The following AP1B1 variants were observed in gnomAD, a reference collection of about 807,000 sequenced individuals.
AP1B1 encodes adaptor related protein complex 1 subunit beta 1.
AP1B1 carries 36 observed loss-of-function variants against 104.3 expected under a neutral mutation model. The observed-to-expected ratio is 0.35, with a 90% confidence interval of 0.26 to 0.46. AP1B1 has a LOEUF of 0.46. Among genes scored for constraint, AP1B1 ranks in the 20% least tolerant of loss-of-function variants. The probability of loss-of-function intolerance (pLI) is 1.00; values close to 1 mark genes in which losing one functional copy is unlikely to be tolerated. For missense variants in AP1B1, 901 were observed against 1,247.9 expected, an observed-to-expected ratio of 0.72 and a Z score of 4.19; for synonymous variants, 504 against 517.5, an observed-to-expected ratio of 0.97 and a Z score of 0.35.
chr22:29,332,807 AG>A (rs1217283758), intron 17 of AP1B1, among the ~76,000 whole-genome samples: 1 of 152,234 alleles, frequency 6.6e-6, no homozygotes, highest in Non-Finnish European at 1.5e-5. Context: ...GGGGAACCCC[AG>A]GTCCGCTTGG....
At chr22:29,369,226 C>T (rs1318600778) in intron 1 of AP1B1, among the ~76,000 whole-genome samples, 1 of 152,128 alleles carries the variant, frequency 6.6e-6, no homozygotes, top group Non-Finnish European at 1.5e-5. Context: ...CAACACAGCA[C>T]CTCCTCTCCA....
At chr22:29,363,856 A>G (rs1359088560) in intron 2 of AP1B1, among the ~76,000 whole-genome samples, 3 of 151,686 alleles carry the variant, frequency 2.0e-5, no homozygotes, top group East Asian at 1.9e-4. Context: ...TGACACCACT[A>G]CACTCCAGCC....
chr22:29,372,976 A>G (rs2062265821), intron 1 of AP1B1, among the ~76,000 whole-genome samples: 1 of 152,206 alleles, frequency 6.6e-6, no homozygotes, highest in Non-Finnish European at 1.5e-5. Context: ...CCATAGTTCA[A>G]TTTCCCTCTT....
chr22:29,369,827 A>G (rs1341882795), intron 1 of AP1B1, among the ~76,000 whole-genome samples: 2 of 149,000 alleles, frequency 1.3e-5, no homozygotes, highest in Non-Finnish European at 3.0e-5. Context: ...ATTTACCGAC[A>G]TTAAAAACGA....
chr22:29,368,933 C>A (rs530243747), intron 1 of AP1B1, among the ~76,000 whole-genome samples: 60 of 151,326 alleles, frequency 4.0e-4, no homozygotes, highest in African/African-American at 1.3e-3. Context: ...CTCCCCGCCC[C>A]ACCCCCGCAA....
At chr22:29,339,800 G>A (rs1170228551) in intron 14 of AP1B1, 26 bp from the exon 15 acceptor site, 1 of 1,603,898 alleles carries the variant, frequency 6.2e-7, no homozygotes, top group Non-Finnish European at 8.5e-7. Context: ...GGCAGGTGAA[G>A]AGAACAGGCA....
chr22:29,384,271 G>A (rs1254974956), intron 1 of AP1B1, among the ~76,000 whole-genome samples: 1 of 151,824 alleles, frequency 6.6e-6, no homozygotes, highest in Non-Finnish European at 1.5e-5. Context: ...TCCCTGCTCC[G>A]TACCAGATTC....
At chr22:29,382,538 A>G (rs2062453855) in intron 1 of AP1B1, among the ~76,000 whole-genome samples, 1 of 152,146 alleles carries the variant, frequency 6.6e-6, no homozygotes, top group Non-Finnish European at 1.5e-5. Context: ...CGTAAGCAAG[A>G]TAAGTGAGTA....
rs576997057 is a variant in AP1B1 at position 29,329,932 on chromosome 22, C to G, written c.2767-212G>C. On this transcript the variant is annotated intron_variant, in intron 21 of 22. Transcript: ENST00000357586. ...GGGGCTGTCCGGGGCCCTGGAACAG[C>G]GGTGCAGGCCTCCAGGACAACTGTG... 6.3e-6 allele frequency: 9 copies of G among 1,426,584 alleles called. No individual in the cohort carries two copies. The South Asian group carries it at 1.4e-4, about 22-fold the overall frequency. The allele number at this position is 1,426,584 out of a possible 1,614,324, so 88.4% of individuals were successfully genotyped here.
chr22:29,329,027 C>A (rs1030897868), intron 22 of AP1B1, 132 bp from the exon 23 acceptor site: 1 of 1,476,592 alleles, frequency 6.8e-7, no homozygotes, highest in Non-Finnish European at 9.0e-7. Context: ...GCAGCTGCGC[C>A]TGGCACAGAT....
chr22:29,370,736 C>G (rs2062221708), intron 1 of AP1B1: 1 of 151,966 alleles, frequency 6.6e-6, no homozygotes, highest in South Asian at 2.1e-4. Context: ...AGTGACAGAG[C>G]TGCAGGGTAG....
At chr22:29,384,143 G>A (rs2062483229) in intron 1 of AP1B1, among the ~76,000 whole-genome samples, 1 of 152,172 alleles carries the variant, frequency 6.6e-6, no homozygotes, top group South Asian at 2.1e-4. Flanking sequence ...ATGCCTGAAG[G>A]GTTTGTGAGG....
At chr22:29,338,961 C>T (rs560513255) in intron 16 of AP1B1, 29 bp downstream of exon 16, 14 of 1,613,074 alleles carry the variant, frequency 8.7e-6, no homozygotes, top group Non-Finnish European at 1.2e-5. Flanking sequence ...TCTCTCTGCT[C>T]CCGCCAAGAC....
intron 1 of AP1B1, among the ~76,000 whole-genome samples, 192 bp from the exon 2 acceptor site, chr22:29,367,462 C>CTT (rs368171561): frequency 4.2e-5 from 6 of 142,520 alleles, no homozygotes; most frequent in Non-Finnish European, 9.1e-5. Context: ...ATCTATCAAC[C>CTT]TTTTTTTTTT....
chr22:29,384,029 T>C (rs956674676), intron 1 of AP1B1, among the ~76,000 whole-genome samples: 1 of 151,982 alleles, frequency 6.6e-6, no homozygotes, highest in African/African-American at 2.4e-5. Context: ...AAGGAGTGGG[T>C]AGGTGAAGGC....
intron 6 of AP1B1, among the ~76,000 whole-genome samples, chr22:29,356,112 C>T (rs2061953519): frequency 6.6e-6 from 1 of 152,240 alleles, no homozygotes; most frequent in Admixed American, 6.5e-5. Context: ...GAGCCCCAGA[C>T]ACCCAGTGAG....
At chr22:29,331,136 G>A (rs374633221) in intron 19 of AP1B1, among the ~76,000 whole-genome samples, 5 of 152,192 alleles carry the variant, frequency 3.3e-5, no homozygotes, top group African/African-American at 1.2e-4. Context: ...GCACAGAGGA[G>A]GGGGTTACCA....
chr22:29,338,745 C>T (rs1207634716), intron 16 of AP1B1, among the ~76,000 whole-genome samples: 3 of 152,160 alleles, frequency 2.0e-5, no homozygotes, highest in Non-Finnish European at 4.4e-5. Context: ...CAGACTGTTC[C>T]CTTGGTCTGG....
chr22:29,388,396 T>G (rs2062569067), intron 1 of AP1B1, 28 bp downstream of exon 1: 1 of 152,546 alleles, frequency 6.6e-6, no homozygotes, highest in African/African-American at 2.4e-5. Flanking sequence ...CTTCTTCTCC[T>G]GGCTCGCCCG....
Sources: gnomAD v4.1 joint callset for allele counts (sites outside exome capture counted in the v4.1 genomes callset) on GRCh38, gnomAD v4.1.1 for gene constraint, MANE v1.5 for transcripts, NCBI Gene and HGNC (gene_info 2026-07-23, HGNC 2026-07-21) for gene names.